DOCK3: variants seen among roughly 807,000 people sequenced by gnomAD.
DOCK3 encodes the protein dedicator of cytokinesis 3, also known as dedicator of cytokinesis protein 3.
Under a neutral mutation model 265.6 loss-of-function variants are expected in DOCK3, and 60 were observed. That is an observed-to-expected ratio of 0.23 (90% CI 0.18 to 0.28). The LOEUF (loss-of-function observed/expected upper bound fraction) is 0.28, where lower values mean the gene tolerates loss of function less well. DOCK3 is among the 10% of genes least tolerant of loss of function. DOCK3 has a pLI of 1.00. For synonymous variants in DOCK3, 881 were observed against 938.0 expected, an observed-to-expected ratio of 0.94 and a Z score of 1.11; for missense variants, 1,981 against 2,594.3, an observed-to-expected ratio of 0.76 and a Z score of 5.14.
Position 51,366,864 on chromosome 3 carries a change from T to A in DOCK3, c.5293+4190T>A, listed in dbSNP as rs548619936. On this transcript the variant is annotated intron_variant, in intron 49 of 52. Transcript: ENST00000266037. ...CTGTGGTCTGAGGCACCGTTTGTTA[T>A]AATTTCTTTTCTTTTACATTTCCTG... is the stretch of plus-strand genomic sequence containing the variant. Among the ~76,000 whole-genome samples, 6 of 152,392 alleles carry A rather than the reference T, an allele frequency of 3.9e-5. No homozygotes were observed. The South Asian group carries it at 1.2e-3, about 32-fold the overall frequency.
At chr3:51,356,633 A>G in intron 43 of DOCK3, 140 bp downstream of exon 43, 1 of 813,596 alleles carries the variant, frequency 1.2e-6, no homozygotes, top group South Asian at 1.6e-5. Flanking sequence ...ACCCTGTGCT[A>G]GGATCTTTGT....
intron 22 of DOCK3, among the ~76,000 whole-genome samples, chr3:51,257,894 C>T (rs912082921): frequency 1.3e-5 from 2 of 152,196 alleles, no homozygotes; most frequent in Non-Finnish European, 2.9e-5. Context: ...TGGCCAGCAT[C>T]ACCTGGTCCT....
chr3:51,256,861 C>G (rs1334276670), intron 22 of DOCK3, among the ~76,000 whole-genome samples: 1 of 152,208 alleles, frequency 6.6e-6, no homozygotes, highest in East Asian at 1.9e-4. Flanking sequence ...TTCCAAAGTG[C>G]TGGAATTACA....
chr3:51,092,699 C>T (rs1181131350), intron 9 of DOCK3, among the ~76,000 whole-genome samples: 1 of 152,088 alleles, frequency 6.6e-6, no homozygotes, highest in Non-Finnish European at 1.5e-5. Flanking sequence ...GGTCCCTGAC[C>T]CCCATATATC....
At chr3:51,136,277 G>T (rs2084791090) in intron 9 of DOCK3, among the ~76,000 whole-genome samples, 1 of 151,466 alleles carries the variant, frequency 6.6e-6, no homozygotes, top group Admixed American at 6.6e-5. Flanking sequence ...ACCCAGGCTG[G>T]AGTGCAGTGG....
intron 9 of DOCK3, among the ~76,000 whole-genome samples, chr3:51,132,459 C>G (rs1016284552): frequency 2.6e-5 from 4 of 152,160 alleles, no homozygotes; most frequent in Non-Finnish European, 4.4e-5. Context: ...TGAGGAGAAT[C>G]AACATTATCT....
chr3:50,938,146 A>G (rs1286434691), intron 5 of DOCK3, among the ~76,000 whole-genome samples: 2 of 152,120 alleles, frequency 1.3e-5, no homozygotes, highest in East Asian at 3.8e-4. Context: ...TTATACTAAT[A>G]TCAGAAAAAT....
intron 21 of DOCK3, among the ~76,000 whole-genome samples, chr3:51,244,395 T>G (rs1194555624): frequency 2.6e-5 from 4 of 152,184 alleles, no homozygotes; most frequent in African/African-American, 9.6e-5. Context: ...TGTATAAAAC[T>G]TTTGTCTCCT....
At chr3:51,075,635 C>T (rs1176782292) in intron 7 of DOCK3, among the ~76,000 whole-genome samples, 195 bp downstream of exon 7, 1 of 152,192 alleles carries the variant, frequency 6.6e-6, no homozygotes, top group Non-Finnish European at 1.5e-5. Context: ...ACTACAGATA[C>T]TGGGCTTACC....
intron 9 of DOCK3, among the ~76,000 whole-genome samples, chr3:51,125,811 C>T (rs963363712): frequency 2.6e-5 from 4 of 152,050 alleles, no homozygotes; most frequent in Non-Finnish European, 4.4e-5. Flanking sequence ...AAAATGTTCA[C>T]GTTGTGGCAA....
intron 22 of DOCK3, among the ~76,000 whole-genome samples, chr3:51,254,286 A>G (rs1260763629): frequency 1.3e-5 from 2 of 152,182 alleles, no homozygotes; most frequent in Non-Finnish European, 2.9e-5. Flanking sequence ...TTTACTTCCA[A>G]CTATGTGGTC....
intron 5 of DOCK3, among the ~76,000 whole-genome samples, chr3:50,996,505 C>G (rs1306570652): frequency 6.6e-6 from 1 of 152,182 alleles, no homozygotes; most frequent in Non-Finnish European, 1.5e-5. Context: ...GTGTGAGTCA[C>G]AGTGCCCGGC....
At chr3:50,998,619 A>G (rs1233562063) in intron 5 of DOCK3, among the ~76,000 whole-genome samples, 1 of 152,208 alleles carries the variant, frequency 6.6e-6, no homozygotes, top group Non-Finnish European at 1.5e-5. Flanking sequence ...AAATCATAGC[A>G]TCGTTAATAT....
chr3:50,983,366 T>G (rs2077771113), intron 5 of DOCK3, among the ~76,000 whole-genome samples: 1 of 152,034 alleles, frequency 6.6e-6, no homozygotes, highest in Non-Finnish European at 1.5e-5. Flanking sequence ...GACTGCTAGT[T>G]GAGGAACTTG....
At chr3:51,068,557 A>G (rs112785020) in intron 6 of DOCK3, among the ~76,000 whole-genome samples, 4,869 of 21,492 alleles carry the variant, frequency 0.23, 343 homozygotes, top group African/African-American at 0.45. Flanking sequence ...AAAAAAAAAA[A>G]AAAAAGAAGA....
intron 7 of DOCK3, among the ~76,000 whole-genome samples, chr3:51,077,932 T>G (rs1015976251): frequency 6.6e-6 from 1 of 152,170 alleles, no homozygotes; most frequent in Non-Finnish European, 1.5e-5. Context: ...CATACAGCAC[T>G]TCCAGACAAC....
chr3:51,325,845 A>C (rs1473123711), intron 32 of DOCK3, among the ~76,000 whole-genome samples: 3 of 152,288 alleles, frequency 2.0e-5, no homozygotes, highest in Middle Eastern at 3.4e-3. Context: ...TCTCACTCAT[A>C]AGTGGGAGCT....
rs1386290230 is a variant in DOCK3 at position 51,288,885 on chromosome 3, GGTGTGTGTGTGTGTGTGGGT to G, written c.2922+8699_2922+8718del. ...AGCCTAGGAGAGGGGTGTTTGTGTG[GGTGTGTGTGTGTGTGTGGGT>G]GTGTGTGTGTGTGTGTGTGTGCCCA... On this transcript the variant is annotated intron_variant, in intron 27 of 52. Transcript: ENST00000266037. Among the ~76,000 whole-genome samples the G allele has an allele frequency of 2.8e-3, 413 of 147,070 alleles. 1 individual carries two copies. Among genetic ancestry groups the G allele is most frequent in the African/African-American group, 0.01 (393 of 39,108 alleles).
chr3:50,783,314 T>C (rs963750485), intron 2 of DOCK3, among the ~76,000 whole-genome samples: 1 of 152,178 alleles, frequency 6.6e-6, no homozygotes, highest in African/African-American at 2.4e-5. Flanking sequence ...AGTGTTCTCT[T>C]TTCACCACAT....
Sources: gnomAD v4.1 joint callset for allele counts (sites outside exome capture counted in the v4.1 genomes callset) on GRCh38, gnomAD v4.1.1 for gene constraint, MANE v1.5 for transcripts, NCBI Gene and HGNC (gene_info 2026-07-23, HGNC 2026-07-21) for gene names.